EP300: variants seen among roughly 807,000 people sequenced by gnomAD.
The protein encoded by EP300 is histone acetyltransferase p300.
A neutral mutation model predicts 264.0 loss-of-function variants in EP300; 31 were observed. The ratio of observed to expected loss-of-function variants is 0.12; its 90% confidence interval spans 0.09 to 0.16. The LOEUF (loss-of-function observed/expected upper bound fraction) is 0.16. Ranked by LOEUF, EP300 falls within the 10% of genes least tolerant of loss-of-function variation. The probability of loss-of-function intolerance (pLI) is 1.00; values close to 1 mark genes in which losing one functional copy is unlikely to be tolerated. For missense variants in EP300, 2,766 were observed against 3,052.9 expected, an observed-to-expected ratio of 0.91 and a Z score of 2.21; for synonymous variants, 1,340 against 1,045.4, an observed-to-expected ratio of 1.28 and a Z score of -5.44.
In EP300 at chr22:41,177,901, C is replaced by T; in HGVS notation, c.6190C>T (p.Pro2064Ser). 1.2e-6 allele frequency: 2 copies of T among 1,614,208 alleles called. No homozygotes were observed. The highest frequency in any genetic ancestry group is 1.7e-6 in the Non-Finnish European group (2 of 1,180,026). Residue 2064 changes from proline (P) to serine (S), a missense_variant, in exon 31 of 31, where the codon CCC becomes TCC. Physicochemically the swap from Pro to Ser is moderately conservative, Grantham distance 74. Transcript: ENST00000263253. ...GCGGACTCTCAGGTCTCCCAGCTCT[C>T]CCCTGCAGCAGCAACAGGTGCTTAG... ...LLRTLRSPSS[P>S]LQQQQVLSIL...
At chr22:41,095,163 G>A (rs2058695225) in intron 1 of EP300, among the ~76,000 whole-genome samples, 1 of 151,936 alleles carries the variant, frequency 6.6e-6, no homozygotes, top group Non-Finnish European at 1.5e-5. Flanking sequence ...GGGTTTGGGG[G>A]AGGGGAGAAG....
chr22:41,098,994 A>C (rs908542118), intron 1 of EP300, among the ~76,000 whole-genome samples: 3 of 152,170 alleles, frequency 2.0e-5, no homozygotes, highest in African/African-American at 7.2e-5. Context: ...GTATGTGTTC[A>C]TTGTTAACTG....
chr22:41,103,459 A>C (rs2058742470), intron 1 of EP300, among the ~76,000 whole-genome samples: 1 of 152,172 alleles, frequency 6.6e-6, no homozygotes, highest in East Asian at 1.9e-4. Context: ...GTTATGCTTT[A>C]AAAGGTTTTT....
chr22:41,167,707 C>G (rs1194162318), intron 23 of EP300, among the ~76,000 whole-genome samples: 2 of 142,484 alleles, frequency 1.4e-5, no homozygotes, highest in African/African-American at 2.6e-5. Flanking sequence ...TGATCTTGAA[C>G]TCCTGGATTC....
intron 1 of EP300, among the ~76,000 whole-genome samples, chr22:41,112,906 A>G (rs746149443): frequency 2.6e-5 from 4 of 152,160 alleles, no homozygotes; most frequent in African/African-American, 4.8e-5. Context: ...CAGGTTTACT[A>G]GTATATTATA....
Position 41,117,252 on chromosome 22 carries a change from G to A in EP300, c.160G>A (p.Gly54Arg). The change falls in exon 2 of 31, where the codon GGA becomes AGA. Residue 54 changes from glycine to arginine, a missense_variant. Physicochemically the swap from Gly to Arg is moderately radical, Grantham distance 125 (BLOSUM62 -2). Transcript: ENST00000263253. ...TGAATTAATCAACTCTACAGAATTG[G>A]GACTAACCAATGGTGGTGATATTAA... The part of the protein sequence containing the change: ...PDELINSTEL[G>R]LTNGGDINQL... 1.9e-6 allele frequency: 3 copies of A among 1,614,132 alleles called. No individual in the cohort carries two copies. The highest frequency in any genetic ancestry group is 2.5e-6 in the Non-Finnish European group (3 of 1,180,032).
At chr22:41,099,995 T>C (rs1338770916) in intron 1 of EP300, among the ~76,000 whole-genome samples, 1 of 152,086 alleles carries the variant, frequency 6.6e-6, no homozygotes, top group African/African-American at 2.4e-5. Flanking sequence ...GGCAGGAGGA[T>C]TGCTTGAGGC....
At position 41,117,778 on chromosome 22, in the gene EP300, A is replaced by G. The variant is rs2058829852; in HGVS notation, c.686A>G (p.Gln229Arg). ...GAGCCTCTTCAGCAGGGCTCTCCCC[A>G]GATGGGAGGACAAACAGGATTGAGA... ...LTEPLQQGSP[Q>R]MGGQTGLRGP... The change falls in exon 2 of 31, where the codon CAG (glutamine) becomes CGG (arginine). Residue 229 changes from glutamine to arginine, a missense_variant. Coordinates refer to ENST00000263253, the MANE Select transcript of EP300 (RefSeq NM_001429.4). The G allele has an allele frequency of 6.2e-7, 1 of 1,614,102 alleles. No homozygotes were observed. Among genetic ancestry groups the G allele is most frequent in the African/African-American group, 1.3e-5 (1 of 74,942 alleles).
At position 41,149,191 on chromosome 22, in the gene EP300, G is replaced by A. The variant is rs1435929182; in HGVS notation, c.2379+16G>A. On this transcript the variant is annotated intron_variant, in intron 13 of 30. Coordinates refer to ENST00000263253, the MANE Select transcript of EP300 (RefSeq NM_001429.4). ...AGTGTCTCAAGTATGTCTCATAAGTGGATTTTTCACTTATTTTTGATTCTT... is the reference window on the plus strand; with the variant it reads ...AGTGTCTCAAGTATGTCTCATAAGTAGATTTTTCACTTATTTTTGATTCTT... 4.3e-6 allele frequency: 7 copies of A among 1,613,672 alleles called. No homozygotes were observed. The highest frequency in any genetic ancestry group is 5.9e-6 in the Non-Finnish European group (7 of 1,179,922).
intron 2 of EP300, among the ~76,000 whole-genome samples, chr22:41,123,896 T>C (rs931189756): frequency 1.3e-5 from 2 of 152,240 alleles, no homozygotes; most frequent in Non-Finnish European, 2.9e-5. Context: ...TTAATTATTA[T>C]TATAGTATAA....
intron 2 of EP300, among the ~76,000 whole-genome samples, chr22:41,121,848 T>C (rs900456680): frequency 1.3e-5 from 2 of 152,202 alleles, no homozygotes; most frequent in African/African-American, 4.8e-5. Flanking sequence ...ATTGTCTTAG[T>C]CTTTTATTGT....
rs140187237 is a variant in EP300 at position 41,177,422 on chromosome 22, A to C, written c.5711A>C (p.Gln1904Pro). 341 of 1,614,146 alleles carry C rather than the reference A, an allele frequency of 2.1e-4. No homozygotes were observed. Among genetic ancestry groups the C allele is most frequent in the Non-Finnish European group, 2.7e-4 (320 of 1,180,038 alleles). ...GPVSQGKAAGQVTPPTPPQTA... is the reference protein window; with the variant it reads ...GPVSQGKAAGPVTPPTPPQTA... ...GTGTCCCAGGGTAAGGCAGCAGGCC[A>C]GGTGACCCCTCCAACCCCTCCTCAG... The change falls in exon 31 of 31, where the codon CAG (glutamine) becomes CCG (proline). Residue 1904 changes from glutamine to proline, a missense_variant. By Grantham distance (76) the Gln-to-Pro change is moderately conservative. Coordinates refer to ENST00000263253, the MANE Select transcript of EP300 (RefSeq NM_001429.4).
chr22:41,137,612 A>G, intron 7 of EP300, 41 bp from the exon 8 acceptor site: 2 of 1,613,838 alleles, frequency 1.2e-6, no homozygotes, highest in East Asian at 2.2e-5. Context: ...GTCTTCTCCT[A>G]CCTTTCTTCA....
Position 41,141,220 on chromosome 22 carries a change from C to G in EP300, c.2051C>G (p.Ser684Cys), listed in dbSNP as rs1268144984. 6.2e-7 allele frequency: 1 copy of G among 1,613,810 alleles called. No individual in the cohort carries two copies. Among genetic ancestry groups the G allele is most frequent in the Non-Finnish European group, 8.5e-7 (1 of 1,179,794 alleles). ...GGACAGCCGCAACCAGGAATGACTT[C>G]TAGTAAGTGGTTTTTGTTATATTTC... ...NMGQPQPGMT[S>C]NGPLPDPSMI... is the part of the protein sequence containing the mutation. The change falls in exon 10 of 31, where the codon TCT becomes TGT. Residue 684 changes from serine to cysteine, a missense_variant and splice_region_variant. Ser to Cys is a moderately radical substitution (Grantham distance 112). Coordinates refer to ENST00000263253, the MANE Select transcript of EP300 (RefSeq NM_001429.4).
chr22:41,119,439 G>C (rs952341172), intron 2 of EP300, among the ~76,000 whole-genome samples: 1 of 152,042 alleles, frequency 6.6e-6, no homozygotes. Context: ...TAGCTATGAA[G>C]AGAGAAAGTC....
chr22:41,133,916 A>G (rs1042439795), intron 6 of EP300, among the ~76,000 whole-genome samples: 1 of 152,210 alleles, frequency 6.6e-6, no homozygotes, highest in African/African-American at 2.4e-5. Context: ...GTGAAATGCA[A>G]ACATTTTTAG....
chr22:41,147,852 G>A lies in EP300; in HGVS notation c.2147G>A (p.Gly716Asp), dbSNP rs1555909323. ...ATATTCACAGGTTTGAATCAATTTG[G>A]CCAGATGAGCATGGCCCAGCCCCCT... ...ITPQSGLNQF[G>D]QMSMAQPPIV... The change falls in exon 12 of 31, where the codon GGC becomes GAC. Residue 716 changes from glycine (G) to aspartate (D), a missense_variant. Gly to Asp is a moderately conservative substitution (Grantham distance 94). Transcript: ENST00000263253. 3 of 1,613,830 alleles carry A rather than the reference G, an allele frequency of 1.9e-6. No individual in the cohort carries two copies. The highest frequency in any genetic ancestry group is 2.5e-6 in the Non-Finnish European group (3 of 1,179,842).
intron 12 of EP300, among the ~76,000 whole-genome samples, chr22:41,148,300 G>T (rs1246630429): frequency 6.6e-6 from 1 of 152,130 alleles, no homozygotes; most frequent in Non-Finnish European, 1.5e-5. Context: ...TGCTCCTTAT[G>T]CGAACTCTTA....
chr22:41,145,091 G>T (rs1216851345), intron 10 of EP300, among the ~76,000 whole-genome samples: 1 of 152,148 alleles, frequency 6.6e-6, no homozygotes, highest in East Asian at 1.9e-4. Flanking sequence ...CATTTAGCTT[G>T]GAACACCTAT....
Sources: gnomAD v4.1 joint callset for allele counts (sites outside exome capture counted in the v4.1 genomes callset) on GRCh38, gnomAD v4.1.1 for gene constraint, MANE v1.5 for transcripts, NCBI Gene and HGNC (gene_info 2026-07-23, HGNC 2026-07-21) for gene names.